Variants in CORO1C observed in about 807,000 individuals in gnomAD.
The protein encoded by CORO1C is coronin 1C.
In CORO1C, 14 loss-of-function variants were observed where a neutral mutation model predicts 51.2. The ratio of observed to expected loss-of-function variants is 0.27; its 90% confidence interval spans 0.18 to 0.43. The LOEUF is 0.43. Ranked by LOEUF, CORO1C falls within the 20% of genes least tolerant of loss-of-function variation. CORO1C has a pLI of 1.00. For missense variants in CORO1C, 417 were observed against 607.8 expected (o/e 0.69, Z 3.30); for synonymous variants, 181 against 210.5 (o/e 0.86, Z 1.21).
intron 2 of CORO1C, among the ~76,000 whole-genome samples, chr12:108,680,260 G>C (rs568712477): frequency 6.6e-6 from 1 of 152,256 alleles, no homozygotes; most frequent in African/African-American, 2.4e-5. Flanking sequence ...TCTCTGGAGA[G>C]GTTTTCTTCT....
At chr12:108,708,236 C>T (rs910109678) in intron 1 of CORO1C, among the ~76,000 whole-genome samples, 5 of 152,138 alleles carry the variant, frequency 3.3e-5, no homozygotes, top group Non-Finnish European at 2.9e-5. Flanking sequence ...CAAATACAGA[C>T]TATCCATTGT....
chr12:108,652,100 T>A (rs1483388614), intron 8 of CORO1C, 172 bp downstream of exon 8: 1 of 274,406 alleles, frequency 3.6e-6, no homozygotes, highest in Non-Finnish European at 6.3e-6. Context: ...AGAAACTCAG[T>A]TTTAGTGATA....
chr12:108,660,184 G>A (rs2033196499), intron 4 of CORO1C, among the ~76,000 whole-genome samples: 1 of 152,204 alleles, frequency 6.6e-6, no homozygotes, highest in Admixed American at 6.5e-5. Context: ...GGGCACGGTG[G>A]CTCACGCCTG....
chr12:108,690,434 A>G (rs185196216), intron 2 of CORO1C, among the ~76,000 whole-genome samples: 308 of 152,344 alleles, frequency 2.0e-3, no homozygotes, highest in Non-Finnish European at 3.2e-3. Flanking sequence ...TTTGGACAGA[A>G]GTGAAAATGC....
In CORO1C at chr12:108,705,474, A is replaced by AAC. The variant is rs1265081954; in HGVS notation, c.-5-4152_-5-4151insGT. Among the ~76,000 whole-genome samples the AAC allele has an allele frequency of 3.1e-3, 461 of 150,922 alleles. 7 individuals carry two copies. The highest frequency in any genetic ancestry group is 0.011 in the African/African-American group (438 of 41,142). Reference sequence around the variant, plus strand: ...GACCCTGTCTCAAAAAAAAAAAAAAAAAAAAAAAGAATGTAAACCAACCAC... The same window carrying AAC: ...GACCCTGTCTCAAAAAAAAAAAAAAAACAAAAAAAAGAATGTAAACCAACCAC... On this transcript the variant is annotated intron_variant, in intron 1 of 10. Transcript: ENST00000261401.
At chr12:108,718,001 T>C (rs1802021615) in intron 1 of CORO1C, among the ~76,000 whole-genome samples, 1 of 151,388 alleles carries the variant, frequency 6.6e-6, no homozygotes, top group African/African-American at 2.4e-5. Context: ...GTGGATCACC[T>C]GAGGTAAGGA....
rs189702029 is a variant in CORO1C, at chr12:108,713,797, A to G, written c.-5-12474T>C. Among the ~76,000 whole-genome samples the G allele has an allele frequency of 1.7e-3, 263 of 152,372 alleles. 1 individual carries two copies. The highest frequency in any genetic ancestry group is 5.9e-3 in the African/African-American group (244 of 41,592). On this transcript the variant is annotated intron_variant, in intron 1 of 10. Transcript: ENST00000261401. The stretch of plus-strand genomic sequence containing the variant: ...ACAATCAATCCCGAATCATATATAC[A>G]ATTCAGTTTCTCCACATCAGCCAAC...
intron 8 of CORO1C, chr12:108,652,046 T>G: frequency 3.7e-6 from 1 of 272,750 alleles, no homozygotes. Context: ...AGTGAGATTT[T>G]TTTCTTTTCT....
chr12:108,720,529 T>TC, intron 1 of CORO1C, among the ~76,000 whole-genome samples: 1 of 152,022 alleles, frequency 6.6e-6, no homozygotes, highest in Non-Finnish European at 1.5e-5. Context: ...ATAAGAATTT[T>TC]TTTTTTTTAT....
At chr12:108,654,093 C>T (rs1157756161) in intron 7 of CORO1C, among the ~76,000 whole-genome samples, 1 of 152,206 alleles carries the variant, frequency 6.6e-6, no homozygotes, top group South Asian at 2.1e-4. Flanking sequence ...CAAAAGTATG[C>T]AACATGGCGT....
chr12:108,723,833 G>A (rs913046200), intron 1 of CORO1C, among the ~76,000 whole-genome samples: 4 of 152,130 alleles, frequency 2.6e-5, no homozygotes, highest in East Asian at 1.9e-4. Flanking sequence ...AAATACAGAC[G>A]GCCTACTAAT....
At chr12:108,683,184 C>A (rs988943207) in intron 2 of CORO1C, among the ~76,000 whole-genome samples, 20 of 152,036 alleles carry the variant, frequency 1.3e-4, no homozygotes, top group Middle Eastern at 3.2e-3. Flanking sequence ...TTTTGGGAGG[C>A]CAAGGCAGGC....
intron 2 of CORO1C, among the ~76,000 whole-genome samples, chr12:108,693,346 C>T: frequency 6.6e-6 from 1 of 152,128 alleles, no homozygotes; most frequent in Non-Finnish European, 1.5e-5. Flanking sequence ...GGACTATCCA[C>T]GTACGATCTG....
intron 2 of CORO1C, among the ~76,000 whole-genome samples, chr12:108,693,994 T>A (rs918805138): frequency 6.6e-6 from 1 of 152,186 alleles, no homozygotes; most frequent in African/African-American, 2.4e-5. Flanking sequence ...TTGTTGAAGC[T>A]TCTTAAAAGC....
intron 1 of CORO1C, among the ~76,000 whole-genome samples, chr12:108,706,199 AAAAAAC>A (rs2035026868): frequency 6.6e-6 from 1 of 151,690 alleles, no homozygotes; most frequent in African/African-American, 2.4e-5. Flanking sequence ...AAAAAAACAA[AAAAAAC>A]AAAAAAAAAG....
At chr12:108,692,506 A>G (rs2034530440) in intron 2 of CORO1C, among the ~76,000 whole-genome samples, 2 of 152,272 alleles carry the variant, frequency 1.3e-5, no homozygotes, top group Non-Finnish European at 2.9e-5. Flanking sequence ...GATCACACAG[A>G]AAAGCACTGT....
intron 3 of CORO1C, among the ~76,000 whole-genome samples, chr12:108,673,869 AAAGTAT>A (rs986031026): frequency 6.6e-6 from 1 of 151,934 alleles, no homozygotes; most frequent in African/African-American, 2.4e-5. Context: ...CCTAAAACTT[AAAGTAT>A]AATAATAATA....
chr12:108,689,947 C>T (rs2034439565), intron 2 of CORO1C, among the ~76,000 whole-genome samples: 1 of 152,204 alleles, frequency 6.6e-6, no homozygotes, highest in Admixed American at 6.5e-5. Flanking sequence ...TCACACTGTG[C>T]AGAGTTCAAA....
intron 1 of CORO1C, among the ~76,000 whole-genome samples, chr12:108,729,963 C>G (rs957094990): frequency 3.3e-5 from 5 of 152,096 alleles, no homozygotes; most frequent in Admixed American, 6.5e-5. Context: ...GACTAAGAGC[C>G]CTACAAGTAC....
Sources: allele counts gnomAD v4.1 joint callset (sites outside exome capture counted in the v4.1 genomes callset), GRCh38; gene constraint gnomAD v4.1.1; transcripts MANE v1.5; gene names NCBI Gene and HGNC (gene_info 2026-07-23, HGNC 2026-07-21).